The following SUMF1 variants were observed in gnomAD, a reference collection of about 807,000 sequenced individuals.
SUMF1 encodes the protein formylglycine-generating enzyme.
In SUMF1, 48 loss-of-function variants were observed where a neutral mutation model predicts 47.6. The ratio of observed to expected loss-of-function variants is 1.01; its 90% CI spans 0.80 to 1.28. The LOEUF (loss-of-function observed/expected upper bound fraction) is 1.28. Ranked by LOEUF, SUMF1 falls within the 50% of genes most tolerant of loss-of-function variation. The pLI, the probability that SUMF1 is intolerant of heterozygous loss-of-function variation, is 0.00. For missense variants in SUMF1, 571 were observed against 485.4 expected, an observed-to-expected ratio of 1.18 and a Z score of -1.66; for synonymous variants, 230 against 192.1, an observed-to-expected ratio of 1.20 and a Z score of -1.63.
chr3:4,160,090 G>A (rs1161084343), intron 8 of SUMF1, among the ~76,000 whole-genome samples: 3 of 151,792 alleles, frequency 2.0e-5, no homozygotes, highest in Admixed American at 6.6e-5. Context: ...GTTAAATATC[G>A]ATATCTCTCT....
At chr3:4,197,360 C>A (rs1478795422) in intron 8 of SUMF1, among the ~76,000 whole-genome samples, 1 of 152,128 alleles carries the variant, frequency 6.6e-6, no homozygotes, top group African/African-American at 2.4e-5. Flanking sequence ...CTCAGCCTCC[C>A]AAAGTGCTGG....
chr3:4,238,533 A>T (rs899343430), intron 8 of SUMF1, among the ~76,000 whole-genome samples: 2 of 152,284 alleles, frequency 1.3e-5, no homozygotes, highest in East Asian at 3.9e-4. Context: ...ACCAGTGACG[A>T]TGAGTTTTTC....
At chr3:4,386,696 G>C (rs544618733) in intron 7 of SUMF1, among the ~76,000 whole-genome samples, 26 of 152,140 alleles carry the variant, frequency 1.7e-4, no homozygotes, top group African/African-American at 5.5e-4. Flanking sequence ...TAGTGGGAAA[G>C]CACTTGGTCT....
chr3:4,314,001 G>C, intron 8 of SUMF1: 2 of 663,474 alleles, frequency 3.0e-6, no homozygotes, highest in East Asian at 5.7e-5. Flanking sequence ...TAGTTAATAG[G>C]ATATAAGCAA....
intron 7 of SUMF1, among the ~76,000 whole-genome samples, chr3:4,394,681 A>G (rs1389772633): frequency 6.6e-6 from 1 of 152,186 alleles, no homozygotes; most frequent in Non-Finnish European, 1.5e-5. Flanking sequence ...AGAAGACAGA[A>G]GAGTAGCAAT....
intron 8 of SUMF1, among the ~76,000 whole-genome samples, chr3:4,171,676 A>T (rs1258170565): frequency 6.6e-6 from 1 of 152,166 alleles, no homozygotes; most frequent in Non-Finnish European, 1.5e-5. Flanking sequence ...AAGGCTTCAA[A>T]CTAACAGCAA....
intron 8 of SUMF1, among the ~76,000 whole-genome samples, chr3:4,291,805 T>A (rs1226381883): frequency 6.6e-6 from 1 of 152,180 alleles, no homozygotes; most frequent in Non-Finnish European, 1.5e-5. Context: ...GGGCCACATT[T>A]CCAACTATAT....
intron 8 of SUMF1, among the ~76,000 whole-genome samples, chr3:4,306,186 A>G (rs187028221): frequency 1.3e-5 from 2 of 152,266 alleles, no homozygotes; most frequent in Admixed American, 1.3e-4. Context: ...TCTGTTTCCA[A>G]TCTTGAGTCA....
intron 8 of SUMF1, among the ~76,000 whole-genome samples, chr3:4,261,746 C>A (rs1227859049): frequency 6.6e-6 from 1 of 152,156 alleles, no homozygotes. Context: ...TCTGCTTCCC[C>A]TTCCGGTGTT....
At chr3:4,210,756 G>T (rs1351949) in intron 8 of SUMF1, among the ~76,000 whole-genome samples, 6,342 of 152,106 alleles carry the variant, frequency 0.042, 392 homozygotes, top group East Asian at 0.17. Context: ...TGGGTTGAAG[G>T]ATGCAAAGTA....
chr3:4,164,401 C>T (rs1694652049), intron 8 of SUMF1, among the ~76,000 whole-genome samples: 1 of 152,182 alleles, frequency 6.6e-6, no homozygotes, highest in Non-Finnish European at 1.5e-5. Context: ...ACCCTCAGTT[C>T]TGTTGTTGGA....
intron 8 of SUMF1, among the ~76,000 whole-genome samples, chr3:4,350,306 G>A (rs951171643): frequency 1.3e-5 from 2 of 151,236 alleles, no homozygotes; most frequent in East Asian, 3.9e-4. Context: ...ACAGGCTTGA[G>A]CCACCACTTT....
Position 4,087,095 on chromosome 3 carries a change from G to A in SUMF1, c.1015-18350C>T, listed in dbSNP as rs140148075. On this transcript the variant is annotated intron_variant and NMD_transcript_variant, in intron 8 of 12. Coordinates refer to the SUMF1 transcript ENST00000448413. ...TTCCCCACTTTAGTTTCCAAAGAGC[G>A]ATCACTAAATAATGATTCTATGGCG... 1.2e-3 allele frequency among the ~76,000 whole-genome samples: 189 copies of A among 152,200 alleles called. 1 individual carries two copies. Among genetic ancestry groups the A allele is most frequent in the Admixed American group, 6.6e-3 (101 of 15,280 alleles).
At chr3:4,208,750 T>C (rs1016782980) in intron 8 of SUMF1, among the ~76,000 whole-genome samples, 1 of 151,988 alleles carries the variant, frequency 6.6e-6, no homozygotes, top group Non-Finnish European at 1.5e-5. Context: ...AGCTTGAGTA[T>C]GTGACAATAG....
chr3:4,198,511 T>C (rs961509421), intron 8 of SUMF1, among the ~76,000 whole-genome samples: 2 of 152,132 alleles, frequency 1.3e-5, no homozygotes, highest in African/African-American at 4.8e-5. Flanking sequence ...AAAATTAAAA[T>C]GTGGTATGCT....
chr3:4,287,407 T>TAAA (rs3075654), intron 8 of SUMF1, among the ~76,000 whole-genome samples: 14,010 of 149,900 alleles, frequency 0.093, 730 homozygotes, highest in Admixed American at 0.13. Context: ...ACATAAATTG[T>TAAA]AAAAAAAAAA....
chr3:4,438,243 G>GAC (rs150642859), intron 3 of SUMF1, among the ~76,000 whole-genome samples: 113,687 of 151,126 alleles, frequency 0.75, 43,494 homozygotes, highest in East Asian at 1. Context: ...AAAAAAAAAA[G>GAC]ATCTCATAGA....
chr3:4,184,286 T>C (rs1380410094), intron 8 of SUMF1, among the ~76,000 whole-genome samples: 1 of 151,824 alleles, frequency 6.6e-6, no homozygotes, highest in Non-Finnish European at 1.5e-5. Flanking sequence ...CAAAACCCTG[T>C]CTCTACTAAA....
chr3:4,166,865 C>T (rs2125119596), intron 8 of SUMF1, among the ~76,000 whole-genome samples: 1 of 152,230 alleles, frequency 6.6e-6, no homozygotes, highest in South Asian at 2.1e-4. Flanking sequence ...ACCAATGCTT[C>T]CAACTCTGAA....
Sources: gnomAD v4.1 joint callset for allele counts (sites outside exome capture counted in the v4.1 genomes callset) on GRCh38, gnomAD v4.1.1 for gene constraint, MANE v1.5 for transcripts, NCBI Gene and HGNC (gene_info 2026-07-23, HGNC 2026-07-21) for gene names.